Variants in MTSS2 observed in about 807,000 individuals in gnomAD.
MTSS2 encodes the protein protein MTSS 2.
In MTSS2, 27 loss-of-function variants were observed where a neutral mutation model predicts 67.1. The ratio of observed to expected loss-of-function variants is 0.40; its 90% CI spans 0.30 to 0.55. The LOEUF (loss-of-function observed/expected upper bound fraction) is 0.55, where lower values mean the gene tolerates loss of function less well. Ranked by LOEUF, MTSS2 falls within the 20% of genes least tolerant of loss-of-function variation. The pLI is 0.43. For synonymous variants in MTSS2, 624 were observed against 468.6 expected (o/e 1.33, Z -4.28); for missense variants, 1,171 against 1,067.8 (o/e 1.10, Z -1.35).
At chr16:70,665,585 C>T (rs926766629) in intron 11 of MTSS2, 45 bp from the exon 12 acceptor site, 40 of 1,508,276 alleles carry the variant, frequency 2.7e-5, no homozygotes, top group Non-Finnish European at 3.1e-5. Flanking sequence ...GAGGGGCCGG[C>T]AGGCAGCAAG....
rs1235668553 is a variant in MTSS2, at chr16:70,671,610, C to T, written c.1053+2696G>A. On this transcript the variant is annotated intron_variant, in intron 11 of 14. Transcript: ENST00000338779. Reference sequence around the variant, plus strand: ...ATAGAAAGTCACCTATTTTAACAAGCAAGAATCATCAGTGGATGCCAAAAT... The same window carrying T: ...ATAGAAAGTCACCTATTTTAACAAGTAAGAATCATCAGTGGATGCCAAAAT... 2.0e-5 allele frequency among the ~76,000 whole-genome samples: 3 copies of T among 152,060 alleles called. No homozygotes were observed. The East Asian group carries it at 5.8e-4, about 29-fold the overall frequency.
intron 9 of MTSS2, 59 bp from the exon 10 acceptor site, chr16:70,677,037 G>C: frequency 7.6e-7 from 1 of 1,318,000 alleles, no homozygotes; most frequent in East Asian, 2.4e-5. Context: ...AGTAGGGCCA[G>C]AGGCCCCCCC....
chr16:70,679,312 T>C lies in MTSS2; in HGVS notation c.466+3A>G, dbSNP rs960196958. On this transcript the variant is annotated splice_donor_region_variant and intron_variant, in intron 7 of 14. Transcript: ENST00000338779. ...CAGCTGGAGGGACCGACATTTGACT[T>C]ACCAAGTAGCTCTACAGGAAGGATG... 1 of 1,613,864 alleles carries C rather than the reference T, an allele frequency of 6.2e-7. No homozygotes were observed. The highest frequency in any genetic ancestry group is 8.5e-7 in the Non-Finnish European group (1 of 1,179,872).
At chr16:70,672,561 G>C (rs1239684451) in intron 11 of MTSS2, among the ~76,000 whole-genome samples, 1 of 151,298 alleles carries the variant, frequency 6.6e-6, no homozygotes, top group Non-Finnish European at 1.5e-5. Flanking sequence ...GGGAGATTCT[G>C]GGAAGAGTAT....
intron 3 of MTSS2, 36 bp downstream of exon 3, chr16:70,680,758 G>A (rs1361404149): frequency 6.5e-7 from 1 of 1,542,846 alleles, no homozygotes; most frequent in Non-Finnish European, 8.8e-7. Flanking sequence ...GGCCCACCCT[G>A]GGGCAACCCC....
intron 3 of MTSS2, 80 bp from the exon 4 acceptor site, chr16:70,680,135 G>C: frequency 9.7e-7 from 1 of 1,029,358 alleles, no homozygotes; most frequent in Non-Finnish European, 1.2e-6. Flanking sequence ...GGGGCGCCCC[G>C]GCCGCGCAGG....
chr16:70,663,528 C>T lies in MTSS2; in HGVS notation c.*149G>A, dbSNP rs2052570139. 7.4e-7 allele frequency: 1 copy of T among 1,358,962 alleles called. No homozygotes were observed. Among genetic ancestry groups the T allele is most frequent in the African/African-American group, 1.5e-5 (1 of 67,248 alleles). 84.2% of individuals were successfully genotyped at this position (1,358,962 alleles called of 1,614,324 possible). ...TCACTTCCTGTTTAAATGCTGGAAT[C>T]CAAGTGAGGTGTCTTTCCATAAAGT... On this transcript the variant is annotated 3_prime_UTR_variant, in exon 15 of 15. Transcript: ENST00000338779.
In MTSS2 at chr16:70,664,512, G is replaced by A. The variant is rs974907155; in HGVS notation, c.1472-63C>T. On this transcript the variant is annotated intron_variant, in intron 14 of 14. Coordinates refer to ENST00000338779, the MANE Select transcript of MTSS2 (RefSeq NM_138383.3). ...TGGCCCCTTGCCCCCAGCCCACCAGGGTGAGCACAGAGGGGGAAGGACGGG... is the reference window on the plus strand; with the variant it reads ...TGGCCCCTTGCCCCCAGCCCACCAGAGTGAGCACAGAGGGGGAAGGACGGG... 2.6e-6 allele frequency: 4 copies of A among 1,563,646 alleles called. No individual in the cohort carries two copies. In the African/African-American group the frequency reaches 4.0e-5, roughly 16 times the overall value.
rs2052558381 is a variant in MTSS2, at chr16:70,663,228, GA to G, written c.*448del. On this transcript the variant is annotated 3_prime_UTR_variant, in exon 15 of 15. Coordinates refer to ENST00000338779, the MANE Select transcript of MTSS2 (RefSeq NM_138383.3). ...GGGAGAGGGGCCTGGGAGAGGCAGA[GA>G]GAAGGCAAGAGGGGAGGAGGGGGCT... 1 of 168,106 alleles carries G rather than the reference GA, an allele frequency of 5.9e-6. No individual in the cohort carries two copies. The highest frequency in any genetic ancestry group is 2.4e-5 in the African/African-American group (1 of 41,762). The allele number at this position is 168,106 out of a possible 1,614,324, so 10.4% of individuals were successfully genotyped here.
At chr16:70,676,383 C>G (rs1247244197) in intron 10 of MTSS2, among the ~76,000 whole-genome samples, 2 of 152,238 alleles carry the variant, frequency 1.3e-5, no homozygotes, top group African/African-American at 4.8e-5. Flanking sequence ...TAGGAGCCAG[C>G]CAGGCTGGAG....
chr16:70,685,400 G>A (rs1256965033), intron 1 of MTSS2, among the ~76,000 whole-genome samples: 1 of 152,208 alleles, frequency 6.6e-6, no homozygotes, highest in Non-Finnish European at 1.5e-5. Flanking sequence ...TCGTTAAAGG[G>A]CCCTAGAGTC....
chr16:70,679,933 T>TGCCCCCCCCCCCCCC, intron 4 of MTSS2, 38 bp downstream of exon 4: 1 of 1,149,450 alleles, frequency 8.7e-7, no homozygotes, highest in Non-Finnish European at 1.2e-6. Flanking sequence ...CGACGCCCCG[T>TGCCCCCCCCCCCCCC]CCCCCCGCCC....
Position 70,677,908 on chromosome 16 carries a change from G to A in MTSS2, c.625-9C>T. On this transcript the variant is annotated splice_polypyrimidine_tract_variant and intron_variant, in intron 8 of 14. Coordinates refer to ENST00000338779, the MANE Select transcript of MTSS2 (RefSeq NM_138383.3). ...ATGGTCAGCTCTCCATTCTGAGGAA[G>A]CAGCGAGTCAGACCTGCTGGCCCTA... 1.3e-6 allele frequency: 2 copies of A among 1,585,516 alleles called. No individual in the cohort carries two copies. The highest frequency in any genetic ancestry group is 1.7e-6 in the Non-Finnish European group (2 of 1,166,118).
intron 10 of MTSS2, among the ~76,000 whole-genome samples, chr16:70,675,735 C>T (rs2053097219): frequency 6.6e-6 from 1 of 152,210 alleles, no homozygotes; most frequent in African/African-American, 2.4e-5. Context: ...ATTCCTAAAC[C>T]ACCTTCTCAA....
At chr16:70,685,308 G>C (rs974188139) in intron 1 of MTSS2, among the ~76,000 whole-genome samples, 4 of 152,150 alleles carry the variant, frequency 2.6e-5, no homozygotes, top group African/African-American at 9.7e-5. Context: ...TTCCTGCTTT[G>C]GCGGTGACAG....
rs1597788793 is a variant in MTSS2 at position 70,661,598 on chromosome 16, T to G, written c.*2079A>C. On this transcript the variant is annotated 3_prime_UTR_variant, in exon 15 of 15. Transcript: ENST00000338779. ...GGGATGGTTGGCTCGGATCCCGAGG[T>G]GGGTGGGCCTATGAGGTGGTTGCTA... The G allele has an allele frequency of 2.8e-6, 1 of 351,032 alleles. No homozygotes were observed. The highest frequency in any genetic ancestry group is 2.2e-5 in the South Asian group (1 of 45,838). The allele number at this position is 351,032 out of a possible 1,614,324, so 21.7% of individuals were successfully genotyped here.
intron 6 of MTSS2, 100 bp downstream of exon 6, chr16:70,679,529 GC>G: frequency 7.4e-7 from 1 of 1,343,594 alleles, no homozygotes; most frequent in Non-Finnish European, 1.0e-6. Context: ...CGGGGACAGC[GC>G]CCCTCTGGCT....
rs991494052 is a variant in MTSS2 at position 70,685,962 on chromosome 16, G to A, written c.-171C>T. Reference sequence around the variant, plus strand: ...CGCGCTCCGGGGTCGCGGGCCTCCGGCGGGCGGCGCGGGCCATGTCGCAGC... The same window carrying A: ...CGCGCTCCGGGGTCGCGGGCCTCCGACGGGCGGCGCGGGCCATGTCGCAGC... On this transcript the variant is annotated 5_prime_UTR_variant, in exon 1 of 15. Transcript: ENST00000338779. The A allele has an allele frequency of 4.4e-5, 7 of 159,128 alleles. No homozygotes were observed. Among genetic ancestry groups the A allele is most frequent in the African/African-American group, 1.7e-4 (7 of 40,720 alleles). 9.9% of individuals were successfully genotyped at this position (159,128 alleles called of 1,614,324 possible). A position where few individuals can be genotyped will look rare whatever the true frequency, so the allele number is the denominator to read the frequency against.
At position 70,661,454 on chromosome 16, in the gene MTSS2, G is replaced by C; in HGVS notation, c.*2223C>G. ...GGGAATAAATTAAAAAAAGGAACGA[G>C]TTAACAACAGCACCAGGAAAGTTAC... On this transcript the variant is annotated 3_prime_UTR_variant, in exon 15 of 15. Transcript: ENST00000338779. The C allele has an allele frequency of 2.7e-6, 1 of 369,332 alleles. No homozygotes were observed. The highest frequency in any genetic ancestry group is 5.4e-6 in the Non-Finnish European group (1 of 186,756). 22.9% of individuals were successfully genotyped at this position (369,332 alleles called of 1,614,324 possible).
Sources: gnomAD v4.1 joint callset for allele counts (sites outside exome capture counted in the v4.1 genomes callset) on GRCh38, gnomAD v4.1.1 for gene constraint, MANE v1.5 for transcripts, NCBI Gene and HGNC (gene_info 2026-07-23, HGNC 2026-07-21) for gene names.